STK33: variants seen among roughly 807,000 people sequenced by gnomAD.
STK33 encodes the protein serine/threonine-protein kinase 33.
A neutral mutation model predicts 58.0 loss-of-function variants in STK33; 52 were observed. That is an observed-to-expected ratio of 0.90 (90% CI 0.72 to 1.13). The LOEUF (loss-of-function observed/expected upper bound fraction) is 1.13, where lower values mean the gene tolerates loss of function less well. Among genes scored for constraint, STK33 ranks in the 50% most tolerant of loss-of-function variants. The probability of loss-of-function intolerance (pLI) is 0.00; values close to 1 mark genes in which losing one functional copy is unlikely to be tolerated. For missense variants in STK33, 630 were observed against 604.2 expected (o/e 1.04, Z -0.45); for synonymous variants, 215 against 200.1 (o/e 1.07, Z -0.63).
At chr11:8,445,586 T>C (rs1945337741) in intron 11 of STK33, among the ~76,000 whole-genome samples, 1 of 152,192 alleles carries the variant, frequency 6.6e-6, no homozygotes, top group South Asian at 2.1e-4. Flanking sequence ...GTTTTTAGCA[T>C]GAAGTGGTAT....
chr11:8,512,271 T>C (rs1952392817), intron 1 of STK33, among the ~76,000 whole-genome samples: 1 of 152,204 alleles, frequency 6.6e-6, no homozygotes, highest in South Asian at 2.1e-4. Flanking sequence ...AGTTTGTATT[T>C]ATTGGGCACC....
the STK33 span, among the ~76,000 whole-genome samples, chr11:8,356,308 A>G: frequency 6.6e-6 from 1 of 152,176 alleles, no homozygotes; most frequent in Non-Finnish European, 1.5e-5. Context: ...TGCCCACAGC[A>G]GTCCTGTGAG....
chr11:8,512,356 C>T (rs1952403982), intron 1 of STK33, among the ~76,000 whole-genome samples: 1 of 151,898 alleles, frequency 6.6e-6, no homozygotes, highest in Non-Finnish European at 1.5e-5. Flanking sequence ...CAACCAGAGT[C>T]TCTAAAAAAT....
intron 8 of STK33, among the ~76,000 whole-genome samples, chr11:8,461,482 A>C (rs527607139): frequency 6.6e-6 from 1 of 152,348 alleles, no homozygotes; most frequent in African/African-American, 2.4e-5. Flanking sequence ...TTAATGGAGA[A>C]ACTAAGGATC....
intron 15 of STK33, among the ~76,000 whole-genome samples, chr11:8,402,849 A>G (rs1269236099): frequency 2.0e-5 from 3 of 152,190 alleles, no homozygotes; most frequent in Non-Finnish European, 1.5e-5. Flanking sequence ...TTATTTTGTT[A>G]GGTTATAGAT....
At chr11:8,401,817 A>C (rs1385234272) in intron 15 of STK33, among the ~76,000 whole-genome samples, 1 of 152,234 alleles carries the variant, frequency 6.6e-6, no homozygotes, top group Non-Finnish European at 1.5e-5. Flanking sequence ...ATATGAACGG[A>C]CACTTCTCAA....
intron 14 of STK33, among the ~76,000 whole-genome samples, chr11:8,427,830 C>T (rs556347132): frequency 3.3e-5 from 5 of 152,188 alleles, no homozygotes; most frequent in Non-Finnish European, 2.9e-5. Context: ...AACATCTTCC[C>T]TTATCTCTCT....
At chr11:8,440,025 A>G (rs1669944941) in intron 12 of STK33, among the ~76,000 whole-genome samples, 1 of 151,648 alleles carries the variant, frequency 6.6e-6, no homozygotes. Context: ...GAACAGTCAG[A>G]AAGACCCTGC....
chr11:8,556,896 GC>G (rs1956778203), intron 1 of STK33, among the ~76,000 whole-genome samples: 1 of 152,064 alleles, frequency 6.6e-6, no homozygotes, highest in African/African-American at 2.4e-5. Flanking sequence ...CCATAGTAAT[GC>G]CCCTCTTTGC....
At chr11:8,519,740 T>G (rs1953205111) in intron 1 of STK33, among the ~76,000 whole-genome samples, 1 of 150,990 alleles carries the variant, frequency 6.6e-6, no homozygotes, top group African/African-American at 2.4e-5. Flanking sequence ...CTAGAAAATC[T>G]AGACGAAATG....
At chr11:8,402,085 T>G (rs1432517424) in intron 15 of STK33, among the ~76,000 whole-genome samples, 1 of 152,162 alleles carries the variant, frequency 6.6e-6, no homozygotes, top group African/African-American at 2.4e-5. Context: ...AGAATTAGAA[T>G]TACCATTTGA....
At chr11:8,478,269 G>A (rs1258475770) in intron 2 of STK33, among the ~76,000 whole-genome samples, 1 of 152,006 alleles carries the variant, frequency 6.6e-6, no homozygotes, top group Non-Finnish European at 1.5e-5. Context: ...TAGAATCATG[G>A]AATTATGTTT....
At chr11:8,418,716 T>A (rs560830414) in intron 14 of STK33, among the ~76,000 whole-genome samples, 33 of 152,312 alleles carry the variant, frequency 2.2e-4, no homozygotes, top group African/African-American at 7.7e-4. Flanking sequence ...CGCAACAGTG[T>A]GTAAGTGTTC....
At chr11:8,517,086 G>A (rs1952866355) in intron 1 of STK33, among the ~76,000 whole-genome samples, 1 of 152,208 alleles carries the variant, frequency 6.6e-6, no homozygotes, top group Admixed American at 6.5e-5. Flanking sequence ...CCTCCCAGTA[G>A]GGGCCAACTG....
the STK33 span, among the ~76,000 whole-genome samples, chr11:8,347,990 G>A: frequency 1.3e-5 from 2 of 152,218 alleles, no homozygotes; most frequent in African/African-American, 4.8e-5. Context: ...TTGTTAAGGA[G>A]CTGGTCTTGT....
At chr11:8,446,140 T>C (rs939220387) in intron 11 of STK33, among the ~76,000 whole-genome samples, 1 of 152,352 alleles carries the variant, frequency 6.6e-6, no homozygotes, top group Middle Eastern at 3.4e-3. Flanking sequence ...TATCTATTTC[T>C]TCTAGATTTT....
intron 1 of STK33, among the ~76,000 whole-genome samples, chr11:8,567,948 A>G (rs1957555806): frequency 6.6e-6 from 1 of 152,188 alleles, no homozygotes; most frequent in Non-Finnish European, 1.5e-5. Context: ...AATATATCTG[A>G]CTAATGACTA....
At chr11:8,341,828 T>C in the STK33 span, among the ~76,000 whole-genome samples, 1 of 152,012 alleles carries the variant, frequency 6.6e-6, no homozygotes, top group South Asian at 2.1e-4. Context: ...ATAAATAGAG[T>C]GTAAATTGCT....
intron 15 of STK33, among the ~76,000 whole-genome samples, chr11:8,409,494 C>T (rs970935014): frequency 6.6e-6 from 1 of 152,134 alleles, no homozygotes; most frequent in Non-Finnish European, 1.5e-5. Context: ...CCAGGGAGAA[C>T]TGCAAAGTCA....
Sources: allele counts gnomAD v4.1 joint callset (sites outside exome capture counted in the v4.1 genomes callset), GRCh38; gene constraint gnomAD v4.1.1; transcripts MANE v1.5; gene names NCBI Gene and HGNC (gene_info 2026-07-23, HGNC 2026-07-21).